Variants in DIP2C observed in about 807,000 individuals in gnomAD.
DIP2C encodes the protein disco-interacting protein 2 homolog C.
DIP2C carries 33 observed loss-of-function variants against 192.4 expected under a neutral mutation model. That is an observed-to-expected ratio of 0.17 (90% CI 0.13 to 0.23). The LOEUF is 0.23. Among genes scored for constraint, DIP2C ranks in the 10% least tolerant of loss-of-function variants. The pLI is 1.00. For synonymous variants in DIP2C, 979 were observed against 864.1 expected, an observed-to-expected ratio of 1.13 and a Z score of -2.33; for missense variants, 1,537 against 2,110.1, an observed-to-expected ratio of 0.73 and a Z score of 5.32.
intron 1 of DIP2C, among the ~76,000 whole-genome samples, chr10:671,259 G>A (rs1327888173): frequency 1.3e-5 from 2 of 152,250 alleles, no homozygotes; most frequent in Admixed American, 6.5e-5. Flanking sequence ...CAGCGTGGAC[G>A]GAGAAAACAG....
intron 4 of DIP2C, among the ~76,000 whole-genome samples, chr10:434,394 C>T (rs1293136766): frequency 6.6e-6 from 1 of 152,126 alleles, no homozygotes; most frequent in African/African-American, 2.4e-5. Context: ...GTGACCCTCC[C>T]ATCTTGGCCT....
intron 1 of DIP2C, among the ~76,000 whole-genome samples, chr10:541,045 G>GATGCTGGGGAGCCACAACACCCA (rs1847956406): frequency 7.2e-6 from 1 of 138,620 alleles, no homozygotes; most frequent in Non-Finnish European, 1.5e-5. Flanking sequence ...CACAACACCC[G>GATGCTGGGGAGCCACAACACCCA]ATGCTGGGGA....
At chr10:326,912 C>A (rs149355400) in intron 31 of DIP2C, 94 bp downstream of exon 31, 2 of 1,435,404 alleles carry the variant, frequency 1.4e-6, no homozygotes, top group Non-Finnish European at 1.9e-6. Flanking sequence ...TGTAGCTAAG[C>A]ATCAGCCGAG....
intron 1 of DIP2C, among the ~76,000 whole-genome samples, chr10:639,444 T>C (rs113015249): frequency 8.5e-3 from 658 of 77,388 alleles, no homozygotes; most frequent in Middle Eastern, 0.081. Context: ...CGCGTCAGGT[T>C]GGGAGGGTGC....
At chr10:564,335 AT>A (rs1849356754) in intron 1 of DIP2C, among the ~76,000 whole-genome samples, 1 of 151,918 alleles carries the variant, frequency 6.6e-6, no homozygotes. Flanking sequence ...TCAACCACAG[AT>A]CACCCTCCCC....
intron 22 of DIP2C, among the ~76,000 whole-genome samples, chr10:358,908 A>G (rs1959191254): frequency 6.6e-6 from 1 of 151,802 alleles, no homozygotes; most frequent in African/African-American, 2.4e-5. Context: ...TGCAGGTAAA[A>G]TAACAATGAT....
intron 1 of DIP2C, among the ~76,000 whole-genome samples, chr10:519,310 G>A (rs565859260): frequency 1.3e-5 from 2 of 152,340 alleles, no homozygotes; most frequent in South Asian, 2.1e-4. Flanking sequence ...GGGATGAGGT[G>A]GATGCCATGG....
intron 2 of DIP2C, among the ~76,000 whole-genome samples, chr10:473,112 C>T (rs941181229): frequency 5.9e-5 from 9 of 152,200 alleles, no homozygotes; most frequent in East Asian, 1.9e-4. Flanking sequence ...AGATTATGTT[C>T]GACTATGAAT....
chr10:331,277 T>C (rs1250796902), intron 29 of DIP2C, among the ~76,000 whole-genome samples: 2 of 152,206 alleles, frequency 1.3e-5, no homozygotes, highest in African/African-American at 4.8e-5. Flanking sequence ...GTAAGGAAGT[T>C]AGGTTGGCTA....
At chr10:468,163 T>A (rs1970375419) in intron 3 of DIP2C, among the ~76,000 whole-genome samples, 1 of 152,148 alleles carries the variant, frequency 6.6e-6, no homozygotes, top group Non-Finnish European at 1.5e-5. Context: ...TAAACTAACA[T>A]AAGCTCCTCT....
At chr10:554,952 CAG>C (rs1360901527) in intron 1 of DIP2C, among the ~76,000 whole-genome samples, 1 of 152,118 alleles carries the variant, frequency 6.6e-6, no homozygotes, top group East Asian at 1.9e-4. Context: ...TCGTCAGAGA[CAG>C]AGTCTGGGCT....
chr10:364,876 C>T (rs1960001248), intron 19 of DIP2C: 2 of 621,632 alleles, frequency 3.2e-6, no homozygotes, highest in Non-Finnish European at 3.1e-6. Context: ...CACAGGAGGC[C>T]AATCAGCAGT....
At chr10:279,277 A>G (rs1217192377) in intron 36 of DIP2C, among the ~76,000 whole-genome samples, 1 of 152,208 alleles carries the variant, frequency 6.6e-6, no homozygotes, top group Non-Finnish European at 1.5e-5. Context: ...TGAATCTGTC[A>G]TATCACAGAT....
chr10:662,928 C>T (rs935893430), intron 1 of DIP2C: 10 of 717,342 alleles, frequency 1.4e-5, no homozygotes, highest in Non-Finnish European at 2.1e-5. Context: ...GGTGGATGTA[C>T]GCTAATGGTT....
chr10:312,427 G>T (rs1956604565), intron 31 of DIP2C, among the ~76,000 whole-genome samples: 1 of 152,172 alleles, frequency 6.6e-6, no homozygotes, highest in Non-Finnish European at 1.5e-5. Flanking sequence ...GCACACCTGT[G>T]CTTTGTGTGT....
At chr10:325,415 C>T (rs1029685523) in intron 31 of DIP2C, among the ~76,000 whole-genome samples, 14 of 152,206 alleles carry the variant, frequency 9.2e-5, no homozygotes, top group African/African-American at 2.7e-4. Context: ...CACGATGCGA[C>T]GGGTTACTCT....
intron 1 of DIP2C, among the ~76,000 whole-genome samples, chr10:598,712 G>C (rs1419275500): frequency 1.3e-5 from 2 of 152,208 alleles, no homozygotes; most frequent in African/African-American, 4.8e-5. Context: ...ACCGTGGCTT[G>C]TGTTTTAGAT....
At chr10:541,252 T>A (rs1048448801) in intron 1 of DIP2C, among the ~76,000 whole-genome samples, 6 of 152,042 alleles carry the variant, frequency 3.9e-5, no homozygotes, top group African/African-American at 1.5e-4. Context: ...GGCTGAGGTG[T>A]CCTCTGTCAC....
At chr10:474,254 C>G (rs150512160) in intron 2 of DIP2C, among the ~76,000 whole-genome samples, 1 of 152,322 alleles carries the variant, frequency 6.6e-6, no homozygotes, top group Admixed American at 6.5e-5. Context: ...CCACCCCTTA[C>G]GCCACTGTGG....
Sources: gnomAD v4.1 joint callset for allele counts (sites outside exome capture counted in the v4.1 genomes callset) on GRCh38, gnomAD v4.1.1 for gene constraint, MANE v1.5 for transcripts, NCBI Gene and HGNC (gene_info 2026-07-23, HGNC 2026-07-21) for gene names.